The following MELK variants were observed in gnomAD, a reference collection of about 807,000 sequenced individuals.
The protein encoded by MELK is pEg3 kinase.
MELK carries 81 observed loss-of-function variants against 85.0 expected under a neutral mutation model. The observed-to-expected ratio is 0.95, with a 90% CI of 0.80 to 1.15. The LOEUF (loss-of-function observed/expected upper bound fraction) is 1.15, where lower values mean the gene tolerates loss of function less well. Among genes scored for constraint, MELK ranks in the 50% most tolerant of loss-of-function variants. The pLI is 0.00. For missense variants in MELK, 754 were observed against 777.5 expected (o/e 0.97, Z 0.36); for synonymous variants, 252 against 265.0 (o/e 0.95, Z 0.48).
In MELK at chr9:36,669,374, G is replaced by A. The variant is rs747781509; in HGVS notation, c.1473G>A (p.Lys491=). ...CAGTAAATTCAACAGGAACAGACAA[G>A]TTAATGACAGGTGTCATTAGCCCTG... ...KIPVNSTGTD[K]LMTGVISPER... Residue 491 remains lysine, a synonymous_variant, in exon 15 of 18, where the codon AAG becomes AAA. Coordinates refer to ENST00000298048, the MANE Select transcript of MELK (RefSeq NM_014791.4). The A allele has an allele frequency of 1.9e-6, 3 of 1,606,710 alleles. No homozygotes were observed. In the South Asian group the frequency reaches 3.4e-5, roughly 18 times the overall value.
At chr9:36,621,308 A>AAAAAAAAAAAAAAAAAC (rs1827418009) in intron 8 of MELK, among the ~76,000 whole-genome samples, 1 of 139,186 alleles carries the variant, frequency 7.2e-6, no homozygotes, top group Non-Finnish European at 1.5e-5. Context: ...AAAAAAAAAA[A>AAAAAAAAAAAAAAAAAC]AAAAAAAAAC....
rs1196909813 is a variant in MELK at position 36,596,584 on chromosome 9, TTTTTTG to T, written c.406-632_406-627del. ...TTTTGTTTTTTTTGTTTTTTTTGTT[TTTTTTG>T]TTTTTTTTTTTTTGAGATGGAGTTT... On this transcript the variant is annotated intron_variant, in intron 5 of 17. Coordinates refer to ENST00000298048, the MANE Select transcript of MELK (RefSeq NM_014791.4). 8.1e-4 allele frequency among the ~76,000 whole-genome samples: 86 copies of T among 106,196 alleles called. 4 individuals carry two copies. Among genetic ancestry groups the T allele is most frequent in the African/African-American group, 4.8e-3 (83 of 17,162 alleles). 69.7% of individuals were successfully genotyped at this position (106,196 alleles called of 152,430 possible).
rs1822501305 is a variant in MELK, at chr9:36,583,639, A to C, written c.71A>C (p.Lys24Thr). The C allele has an allele frequency of 6.2e-7, 1 of 1,609,270 alleles. No homozygotes were observed. Among genetic ancestry groups the C allele is most frequent in the African/African-American group, 1.3e-5 (1 of 74,838 alleles). ...HETIGTGGFAKVKLACHILTG... is the reference protein window; with the variant it reads ...HETIGTGGFATVKLACHILTG... ...TTTTCCTACTTAGGTGGCTTTGCAA[A>C]GGTCAAACTTGCCTGCCATATCCTT... is the stretch of plus-strand genomic sequence containing the variant. The change falls in exon 3 of 18, where the codon AAG becomes ACG. Residue 24 changes from lysine to threonine, a missense_variant. By Grantham distance (78) the Lys-to-Thr change is moderately conservative. Transcript: ENST00000298048.
At chr9:36,589,171 CAG>C (rs1383610598) in intron 3 of MELK, among the ~76,000 whole-genome samples, 3 of 150,594 alleles carry the variant, frequency 2.0e-5, no homozygotes, top group African/African-American at 2.4e-5. Flanking sequence ...TTTTTTGAAA[CAG>C]AGTCTTGCTC....
chr9:36,596,952 G>C (rs568877405), intron 5 of MELK, among the ~76,000 whole-genome samples: 2 of 152,084 alleles, frequency 1.3e-5, no homozygotes, highest in South Asian at 4.2e-4. Context: ...TGTTGTACCC[G>C]GACTTTTTAA....
chr9:36,671,122 A>G lies in MELK; in HGVS notation c.1630A>G (p.Ser544Gly). The change falls in exon 16 of 18, where the codon AGC becomes GGC. Residue 544 changes from serine (S) to glycine (G), a missense_variant. Ser to Gly is a moderately conservative substitution (Grantham distance 56). Transcript: ENST00000298048. ...LDKVITVLTRSKRKGSARDGP... is the reference protein window; with the variant it reads ...LDKVITVLTRGKRKGSARDGP... Reference sequence around the variant, plus strand: ...TAAGGTTATCACTGTGCTCACCAGGAGCAAAAGGAAGGGTTCTGCCAGAGA... The same window carrying G: ...TAAGGTTATCACTGTGCTCACCAGGGGCAAAAGGAAGGGTTCTGCCAGAGA... 2 of 1,610,844 alleles carry G rather than the reference A, an allele frequency of 1.2e-6. No homozygotes were observed. The highest frequency in any genetic ancestry group is 1.7e-6 in the Non-Finnish European group (2 of 1,178,454).
rs1829905644 is a variant in MELK, at chr9:36,643,082, T to C, written c.920T>C (p.Leu307Pro). ...CAAACAATGGAGGATTTAATTTCACTGGTAAGAAATACAGCATGGGCTGGG... is the reference window on the plus strand; with the variant it reads ...CAAACAATGGAGGATTTAATTTCACCGGTAAGAAATACAGCATGGGCTGGG... Reference protein sequence around the residue: ...NRQTMEDLISLWQYDHLTATY... With the variant: ...NRQTMEDLISPWQYDHLTATY... Residue 307 changes from leucine to proline, a missense_variant and splice_region_variant, in exon 11 of 18, where the codon CTG becomes CCG. Coordinates refer to ENST00000298048, the MANE Select transcript of MELK (RefSeq NM_014791.4). The C allele has an allele frequency of 6.2e-7, 1 of 1,611,024 alleles. No homozygotes were observed.
chr9:36,605,435 C>T (rs1241249626), intron 7 of MELK, among the ~76,000 whole-genome samples: 1 of 152,098 alleles, frequency 6.6e-6, no homozygotes, highest in Non-Finnish European at 1.5e-5. Flanking sequence ...TCTTGAACTC[C>T]TGACCTCAGG....
chr9:36,596,037 A>G (rs911703806), intron 5 of MELK, among the ~76,000 whole-genome samples: 1 of 151,732 alleles, frequency 6.6e-6, no homozygotes, highest in African/African-American at 2.4e-5. Context: ...GCTGGTTTCA[A>G]ACTCCTGACT....
chr9:36,583,779 G>A (rs1226015090), intron 3 of MELK, 67 bp downstream of exon 3: 1 of 1,040,354 alleles, frequency 9.6e-7, no homozygotes, highest in Non-Finnish European at 1.5e-6. Context: ...AACCTGAATT[G>A]TTCTAATGTT....
intron 10 of MELK, among the ~76,000 whole-genome samples, chr9:36,634,090 T>C (rs1468752603): frequency 6.6e-6 from 1 of 152,250 alleles, no homozygotes; most frequent in Admixed American, 6.5e-5. Context: ...TGGAAAACAC[T>C]GGTTTGCTGA....
At chr9:36,592,106 C>A (rs549145983) in intron 4 of MELK, among the ~76,000 whole-genome samples, 13 of 152,046 alleles carry the variant, frequency 8.6e-5, no homozygotes, top group Non-Finnish European at 1.5e-4. Flanking sequence ...CCCTCCTTGG[C>A]CTCCCAAAAT....
chr9:36,588,420 C>G (rs1823178440), intron 3 of MELK, among the ~76,000 whole-genome samples: 1 of 137,506 alleles, frequency 7.3e-6, no homozygotes, highest in African/African-American at 2.9e-5. Context: ...GCTCTTGTTG[C>G]CCAGGCTGGA....
chr9:36,580,280 G>A (rs755707691), intron 1 of MELK, among the ~76,000 whole-genome samples: 16 of 151,628 alleles, frequency 1.1e-4, no homozygotes, highest in African/African-American at 2.9e-4. Context: ...CACCCGCCTC[G>A]GCCTCCCAAA....
intron 2 of MELK, 80 bp downstream of exon 2, chr9:36,581,819 T>G: frequency 1.7e-6 from 2 of 1,160,560 alleles, no homozygotes; most frequent in South Asian, 2.8e-5. Flanking sequence ...TGTGAGCTTT[T>G]TCGTCTAACC....
intron 8 of MELK, 86 bp downstream of exon 8, chr9:36,607,759 G>T: frequency 1.0e-6 from 1 of 979,614 alleles, no homozygotes. Flanking sequence ...TACAAAAACA[G>T]GCATAAAAGT....
intron 7 of MELK, among the ~76,000 whole-genome samples, chr9:36,603,433 TTA>T (rs763613024): frequency 6.6e-6 from 1 of 152,088 alleles, no homozygotes; most frequent in East Asian, 1.9e-4. Context: ...CCCAATTATT[TTA>T]TCTTTTTTTT....
At chr9:36,612,350 C>G (rs1004111265) in intron 8 of MELK, among the ~76,000 whole-genome samples, 1 of 151,954 alleles carries the variant, frequency 6.6e-6, no homozygotes, top group African/African-American at 2.4e-5. Context: ...CCACCTTGGC[C>G]TTCCAAAATG....
chr9:36,627,755 G>A (rs1828084438), intron 8 of MELK, among the ~76,000 whole-genome samples: 2 of 151,864 alleles, frequency 1.3e-5, no homozygotes, highest in African/African-American at 4.8e-5. Context: ...TCAAACTTCC[G>A]ACCTCAGGTG....
Sources: allele counts gnomAD v4.1 joint callset (sites outside exome capture counted in the v4.1 genomes callset), GRCh38; gene constraint gnomAD v4.1.1; transcripts MANE v1.5; gene names NCBI Gene and HGNC (gene_info 2026-07-23, HGNC 2026-07-21).